Variants in SPTB observed in about 807,000 individuals in gnomAD.
The protein encoded by SPTB is spectrin beta, erythrocytic, also known as spectrin beta chain, erythrocytic.
SPTB carries 45 observed loss-of-function variants against 256.2 expected under a neutral mutation model. The ratio of observed to expected loss-of-function variants is 0.18; its 90% CI spans 0.14 to 0.23. The LOEUF (loss-of-function observed/expected upper bound fraction) is 0.23, where lower values mean the gene tolerates loss of function less well. Ranked by LOEUF, SPTB falls within the 10% of genes least tolerant of loss-of-function variation. The probability of loss-of-function intolerance (pLI) is 1.00; values close to 1 mark genes in which losing one functional copy is unlikely to be tolerated. For missense variants in SPTB, 2,715 were observed against 3,040.4 expected (o/e 0.89, Z 2.52); for synonymous variants, 1,231 against 1,243.1 (o/e 0.99, Z 0.21).
chr14:64,841,256 C>G lies in SPTB; in HGVS notation c.-51-18111G>C, dbSNP rs569682128. 6.6e-6 allele frequency among the ~76,000 whole-genome samples: 1 copy of G among 152,272 alleles called. No individual in the cohort carries two copies. The highest frequency in any genetic ancestry group is 1.9e-4 in the East Asian group (1 of 5,184). ...GTACATCAGCCTGTAAATGACAGAG[C>G]CAGGATTCAAACGCAGGCAGTCTGA... On this transcript the variant is annotated intron_variant, in intron 1 of 35. Transcript: ENST00000644917. The surrounding 1 kb of genome is among the most constrained non-coding windows in gnomAD (Gnocchi z 4.6).
intron 29 of SPTB, among the ~76,000 whole-genome samples, chr14:64,768,508 T>C (rs2082226253): frequency 6.6e-6 from 1 of 152,194 alleles, no homozygotes; most frequent in Non-Finnish European, 1.5e-5. Context: ...CAGTTGGCCC[T>C]TCTTGGCTCA....
At chr14:64,822,858 C>T (rs2083317756) in intron 2 of SPTB, 89 bp downstream of exon 2, 1 of 1,580,878 alleles carries the variant, frequency 6.3e-7, no homozygotes, top group South Asian at 1.1e-5. Flanking sequence ...GCTCACCCAA[C>T]ACACACAGAG....
Position 64,772,587 on chromosome 14 carries a change from C to T in SPTB, c.5546G>A (p.Gly1849Asp). The T allele has an allele frequency of 6.2e-7, 1 of 1,607,376 alleles. No homozygotes were observed. Among genetic ancestry groups the T allele is most frequent in the African/African-American group, 1.3e-5 (1 of 75,044 alleles). The part of the protein sequence containing the change: ...TAFERELHLL[G>D]VQVQQFQDVA... Reference sequence around the variant, plus strand: ...GCAGGGGGCTGAAGGTACCTGGACACCCAGCAGGTGGAGCTCCCGCTCGAA... The same window carrying T: ...GCAGGGGGCTGAAGGTACCTGGACATCCAGCAGGTGGAGCTCCCGCTCGAA... The change falls in exon 26 of 36, where the codon GGT becomes GAT. Residue 1849 changes from glycine to aspartate, a missense_variant. Coordinates refer to ENST00000644917, the MANE Select transcript of SPTB (RefSeq NM_001355436.2). The surrounding 1 kb of genome is among the most constrained non-coding windows in gnomAD (Gnocchi z 5.4).
intron 1 of SPTB, among the ~76,000 whole-genome samples, chr14:64,878,327 C>A (rs1882931286): frequency 6.6e-6 from 1 of 152,172 alleles, no homozygotes; most frequent in African/African-American, 2.4e-5. Flanking sequence ...TGCAAGCCTC[C>A]AGGCAAGCAC....
chr14:64,842,616 C>T (rs981392316), intron 1 of SPTB, among the ~76,000 whole-genome samples: 1 of 152,208 alleles, frequency 6.6e-6, no homozygotes, highest in Non-Finnish European at 1.5e-5. Flanking sequence ...TCCTTAATAG[C>T]GTGTCAGACA....
intron 1 of SPTB, among the ~76,000 whole-genome samples, chr14:64,860,912 T>G (rs1010888741): frequency 1.3e-5 from 2 of 152,134 alleles, no homozygotes; most frequent in Admixed American, 1.3e-4. Context: ...TAAAGACACA[T>G]GCACATGTAT....
Position 64,786,768 on chromosome 14 carries a change from A to G in SPTB, c.3197T>C (p.Phe1066Ser), listed in dbSNP as rs905862271. Residue 1066 changes from phenylalanine to serine, a missense_variant, in exon 16 of 36, where the codon TTC (phenylalanine) becomes TCC (serine). This residue lies in a region of SPTB where 2,239 missense variants were observed against 2,384.4 expected (regional missense o/e 0.94). Transcript: ENST00000644917. This position sits in a 1 kb window ranked among gnomAD's most constrained non-coding sequence, Gnocchi z 5.6. ...CTGGAAGTCATCCAGATCCTGCAGG[A>G]AGGCCTGCAGCTGGCTGACTTCCCC... ...LLGEVSQLQA[F>S]LQDLDDFQAW... 22 of 1,614,044 alleles carry G rather than the reference A, an allele frequency of 1.4e-5. No individual in the cohort carries two copies. Among genetic ancestry groups the G allele is most frequent in the Non-Finnish European group, 1.9e-5 (22 of 1,180,020 alleles).
chr14:64,797,496 A>T lies in SPTB; in HGVS notation c.1182+233T>A, dbSNP rs912733686. 6.0e-4 allele frequency among the ~76,000 whole-genome samples: 85 copies of T among 140,770 alleles called. No individual in the cohort carries two copies. The East Asian group carries it at 0.011, about 18-fold the overall frequency. 92.4% of individuals were successfully genotyped at this position (140,770 alleles called of 152,430 possible). ...AAAAAAAAAAAAAAAAAAAAAAAAA[A>T]AAAAAAGGACTCAGGGATGCAGGGC... On this transcript the variant is annotated intron_variant, in intron 10 of 35. Coordinates refer to ENST00000644917, the MANE Select transcript of SPTB (RefSeq NM_001355436.2).
At position 64,785,497 on chromosome 14, in the gene SPTB, GA is replaced by G. The variant is rs1566756891; in HGVS notation, c.3855+39del. The G allele has an allele frequency of 6.4e-7, 1 of 1,557,794 alleles. No homozygotes were observed. Among genetic ancestry groups the G allele is most frequent in the Non-Finnish European group, 8.8e-7 (1 of 1,141,014 alleles). ...TTGAGGGAACTCTGCTTCTAGAAAG[GA>G]ATCTCCAGGAAAGCAGCCACTCCTT... On this transcript the variant is annotated intron_variant, in intron 18 of 35. Transcript: ENST00000644917. The surrounding 1 kb of genome is among the most constrained non-coding windows in gnomAD (Gnocchi z 4.4).
intron 9 of SPTB, 142 bp from the exon 10 acceptor site, chr14:64,797,988 A>G (rs2139614418): frequency 2.7e-6 from 2 of 746,686 alleles, no homozygotes; most frequent in Non-Finnish European, 2.5e-6. Context: ...AACTAAAGAG[A>G]ATCTGTAGGT....
chr14:64,756,004 G>A (rs1415605630), intron 32 of SPTB: 1 of 152,218 alleles, frequency 6.6e-6, no homozygotes, highest in African/African-American at 2.4e-5. Flanking sequence ...CACAAACCTG[G>A]GGCGGGAACT....
intron 33 of SPTB, among the ~76,000 whole-genome samples, chr14:64,750,723 C>T (rs2139420785): frequency 6.6e-6 from 1 of 151,280 alleles, no homozygotes; most frequent in East Asian, 1.9e-4. Flanking sequence ...TTGTAGTGAG[C>T]CGAGATTGAG....
Position 64,769,625 on chromosome 14 carries a change from A to C in SPTB, c.5902T>G (p.Ser1968Ala). ...NFSACLELGE[S>A]LLQRQHQASE... is the part of the protein sequence containing the mutation. Reference sequence around the variant, plus strand: ...GCCTGGTGCTGCCGCTGCAGCAGGGACTCGCCAAGCTCCAGGCAGGCACTG... The same window carrying C: ...GCCTGGTGCTGCCGCTGCAGCAGGGCCTCGCCAAGCTCCAGGCAGGCACTG... Residue 1968 changes from serine (S) to alanine (A), a missense_variant, in exon 28 of 36, where the codon TCC (serine) becomes GCC (alanine). Ser to Ala is a moderately conservative substitution (Grantham distance 99). This residue lies in a region of SPTB where 2,239 missense variants were observed against 2,384.4 expected (regional missense o/e 0.94). Coordinates refer to ENST00000644917, the MANE Select transcript of SPTB (RefSeq NM_001355436.2). The C allele has an allele frequency of 6.2e-7, 1 of 1,614,002 alleles. No individual in the cohort carries two copies. The highest frequency in any genetic ancestry group is 8.5e-7 in the Non-Finnish European group (1 of 1,180,010).
In SPTB at chr14:64,825,434, C is replaced by T. The variant is rs1282657248; in HGVS notation, c.-51-2289G>A. On this transcript the variant is annotated intron_variant, in intron 1 of 35. Coordinates refer to ENST00000644917, the MANE Select transcript of SPTB (RefSeq NM_001355436.2). The surrounding 1 kb of genome is among the most constrained non-coding windows in gnomAD (Gnocchi z 4.8). ...ACCCAACTGGCTGGGCAACGATAGCCGGGAAAGATACCCCCCACCCCCGGC... is the reference window on the plus strand; with the variant it reads ...ACCCAACTGGCTGGGCAACGATAGCTGGGAAAGATACCCCCCACCCCCGGC... Among the ~76,000 whole-genome samples, 1 of 151,986 alleles carries T rather than the reference C, an allele frequency of 6.6e-6. No individual in the cohort carries two copies. The highest frequency in any genetic ancestry group is 1.5e-5 in the Non-Finnish European group (1 of 67,978).
Position 64,795,596 on chromosome 14 carries a change from T to C in SPTB, c.1385A>G (p.Lys462Arg), listed in dbSNP as rs2082753402. The change falls in exon 12 of 36, where the codon AAG becomes AGG. Residue 462 changes from lysine to arginine, a missense_variant. Around this residue, in one of 4 missense-constraint regions of SPTB, gnomAD observed 416 missense variants for 571.1 expected, o/e 0.73. Transcript: ENST00000644917. The surrounding 1 kb of genome is among the most constrained non-coding windows in gnomAD (Gnocchi z 6.5). Reference sequence around the variant, plus strand: ...GTCGGTCTCGATGGCCTCATGCTTCTTCTTGGCGGCCTCCACAGCTGCCAG... The same window carrying C: ...GTCGGTCTCGATGGCCTCATGCTTCCTCTTGGCGGCCTCCACAGCTGCCAG... ...YDLAAVEAAK[K>R]KHEAIETDTA... 1.2e-6 allele frequency: 2 copies of C among 1,614,132 alleles called. No individual in the cohort carries two copies. Among genetic ancestry groups the C allele is most frequent in the Non-Finnish European group, 8.5e-7 (1 of 1,180,022 alleles).
intron 1 of SPTB, among the ~76,000 whole-genome samples, chr14:64,875,490 C>T (rs1882776170): frequency 1.3e-5 from 2 of 151,856 alleles, no homozygotes; most frequent in African/African-American, 4.9e-5. Context: ...CTGACTGCCT[C>T]CTACGCTCTT....
chr14:64,791,381 C>T (rs1230155021), intron 15 of SPTB, among the ~76,000 whole-genome samples: 3 of 151,990 alleles, frequency 2.0e-5, no homozygotes, highest in East Asian at 1.9e-4. Flanking sequence ...GCCTGGCCAA[C>T]GTGGTGAAAC....
intron 1 of SPTB, among the ~76,000 whole-genome samples, chr14:64,839,285 T>C (rs1225993810): frequency 1.3e-5 from 2 of 152,250 alleles, no homozygotes; most frequent in Non-Finnish European, 2.9e-5. Context: ...AACATGAATG[T>C]ATCACAGATG....
intron 1 of SPTB, among the ~76,000 whole-genome samples, chr14:64,867,778 CG>C (rs1188529614): frequency 6.7e-6 from 1 of 148,378 alleles, no homozygotes; most frequent in Non-Finnish European, 1.5e-5. Context: ...CACTTGAACC[CG>C]GAAGGTGGAG....
Sources: allele counts gnomAD v4.1 joint callset (sites outside exome capture counted in the v4.1 genomes callset), GRCh38; gene constraint gnomAD v4.1.1; regional missense constraint gnomAD v4.1.1; non-coding constraint Gnocchi (gnomAD v3.1); transcripts MANE v1.5; gene names NCBI Gene and HGNC (gene_info 2026-07-23, HGNC 2026-07-21).